LAMC1: variants seen among roughly 807,000 people sequenced by gnomAD.
LAMC1 encodes the protein laminin subunit gamma 1, also known as laminin subunit gamma-1.
Under a neutral mutation model 173.6 loss-of-function variants are expected in LAMC1, and 38 were observed. That is an observed-to-expected ratio of 0.22 (90% CI 0.17 to 0.29). LAMC1 has a LOEUF of 0.29. Among genes scored for constraint, LAMC1 ranks in the 10% least tolerant of loss-of-function variants. LAMC1 has a pLI of 1.00. For synonymous variants in LAMC1, 746 were observed against 749.1 expected (o/e 1.00, Z 0.07); for missense variants, 1,824 against 2,051.8 (o/e 0.89, Z 2.14).
At chr1:183,061,960 A>G (rs955352005) in intron 1 of LAMC1, among the ~76,000 whole-genome samples, 1 of 152,228 alleles carries the variant, frequency 6.6e-6, no homozygotes, top group Non-Finnish European at 1.5e-5. Flanking sequence ...AAGGAAGCCT[A>G]TGTCTTTTTC....
intron 15 of LAMC1, 84 bp downstream of exon 15, chr1:183,125,634 G>A: frequency 9.4e-7 from 1 of 1,062,656 alleles, no homozygotes; most frequent in East Asian, 2.6e-5. Context: ...TTTAATAATT[G>A]ACTGTTCAGA....
At position 183,122,123 on chromosome 1, in the gene LAMC1, A is replaced by G; in HGVS notation, c.2273A>G (p.Tyr758Cys). 6.2e-7 allele frequency: 1 copy of G among 1,614,212 alleles called. No individual in the cohort carries two copies. The highest frequency in any genetic ancestry group is 8.5e-7 in the Non-Finnish European group (1 of 1,180,020). ...GPHCEKCSDGYYGDSTAGTSS... is the reference protein window; with the variant it reads ...GPHCEKCSDGCYGDSTAGTSS... Reference sequence around the variant, plus strand: ...CACTGTGAGAAGTGCAGTGATGGGTACTATGGAGATTCAACTGCAGGCACC... The same window carrying G: ...CACTGTGAGAAGTGCAGTGATGGGTGCTATGGAGATTCAACTGCAGGCACC... Residue 758 changes from tyrosine to cysteine, a missense_variant, in exon 13 of 28, where the codon TAC becomes TGC. Physicochemically the swap from Tyr to Cys is radical, Grantham distance 194 (BLOSUM62 -2). Coordinates refer to ENST00000258341, the MANE Select transcript of LAMC1 (RefSeq NM_002293.4).
At chr1:183,110,738 C>G in intron 4 of LAMC1, 84 bp downstream of exon 4, 1 of 1,387,388 alleles carries the variant, frequency 7.2e-7, no homozygotes, top group Admixed American at 2.0e-5. Flanking sequence ...TCTTTTATTC[C>G]TCCTTGAAAG....
chr1:183,028,302 C>T (rs185814372), intron 1 of LAMC1, among the ~76,000 whole-genome samples: 14 of 152,140 alleles, frequency 9.2e-5, no homozygotes, highest in Middle Eastern at 3.4e-3. Context: ...ATGTTATTGC[C>T]GGATATTCTG....
Position 183,131,392 on chromosome 1 carries a change from C to T in LAMC1, c.3566+14C>T, listed in dbSNP as rs1367107480. 1 of 1,587,106 alleles carries T rather than the reference C, an allele frequency of 6.3e-7. No individual in the cohort carries two copies. Among genetic ancestry groups the T allele is most frequent in the Non-Finnish European group, 8.6e-7 (1 of 1,160,466 alleles). ...GCTTGCTGAACGGTAACTTCTAGAT[C>T]CCTGTTTAATGGTTAAGTTGTGGCT... is the stretch of plus-strand genomic sequence containing the variant. On this transcript the variant is annotated intron_variant, in intron 20 of 27. Coordinates refer to ENST00000258341, the MANE Select transcript of LAMC1 (RefSeq NM_002293.4).
At chr1:183,119,490 G>GT (rs1006935859) in intron 11 of LAMC1, among the ~76,000 whole-genome samples, 15 of 152,100 alleles carry the variant, frequency 9.9e-5, no homozygotes, top group African/African-American at 3.6e-4. Context: ...AAATATAGAT[G>GT]GAAAAGAAGG....
intron 18 of LAMC1, among the ~76,000 whole-genome samples, chr1:183,129,073 C>T (rs10737241): frequency 0.53 from 75,443 of 142,842 alleles, 20,450 homozygotes; most frequent in South Asian, 0.66. Context: ...AGGCATGCGT[C>T]TTCATAAGCT....
At chr1:183,027,376 A>G (rs967203560) in intron 1 of LAMC1, among the ~76,000 whole-genome samples, 6 of 152,136 alleles carry the variant, frequency 3.9e-5, no homozygotes, top group Non-Finnish European at 7.4e-5. Flanking sequence ...TTTATGTCTT[A>G]TAAGTTATAG....
intron 1 of LAMC1, among the ~76,000 whole-genome samples, chr1:183,070,315 G>T (rs777920678): frequency 6.6e-6 from 1 of 152,166 alleles, no homozygotes; most frequent in Non-Finnish European, 1.5e-5. Context: ...ATGATTTTAA[G>T]TAAAGGGACA....
At chr1:183,134,948 T>A (rs1656896310) in intron 23 of LAMC1, 94 bp from the exon 24 acceptor site, 1 of 1,345,280 alleles carries the variant, frequency 7.4e-7, no homozygotes, top group Admixed American at 1.8e-5. Context: ...TGCTGGCAAG[T>A]CTCAGGGTGG....
intron 1 of LAMC1, among the ~76,000 whole-genome samples, chr1:183,060,393 GAA>G (rs113876062): frequency 8.8e-5 from 9 of 102,632 alleles, no homozygotes; most frequent in African/African-American, 1.4e-4. Flanking sequence ...TCTCAAAAAA[GAA>G]AAAAAAAAAA....
intron 1 of LAMC1, among the ~76,000 whole-genome samples, chr1:183,070,055 C>T (rs1168616012): frequency 6.6e-6 from 1 of 152,182 alleles, no homozygotes; most frequent in Non-Finnish European, 1.5e-5. Flanking sequence ...AGTGAGTGGA[C>T]AGATGAATGA....
chr1:183,101,383 C>G (rs962024064), intron 1 of LAMC1, among the ~76,000 whole-genome samples: 1 of 151,336 alleles, frequency 6.6e-6, no homozygotes, highest in African/African-American at 2.4e-5. Flanking sequence ...AACTTGCATT[C>G]TTTTAACAGA....
chr1:183,094,408 G>T (rs748141249), intron 1 of LAMC1, among the ~76,000 whole-genome samples: 6 of 152,164 alleles, frequency 3.9e-5, no homozygotes, highest in Non-Finnish European at 8.8e-5. Context: ...CTGACACACA[G>T]AATTTTCATT....
intron 1 of LAMC1, among the ~76,000 whole-genome samples, chr1:183,080,372 G>C (rs1222466241): frequency 6.6e-6 from 1 of 152,184 alleles, no homozygotes; most frequent in Non-Finnish European, 1.5e-5. Flanking sequence ...GCTGATCACT[G>C]ATGAAATATA....
At position 183,127,119 on chromosome 1, in the gene LAMC1, A is replaced by G. The variant is rs1571458933; in HGVS notation, c.2945-107A>G. The G allele has an allele frequency of 4.3e-6, 4 of 936,296 alleles. No homozygotes were observed. The East Asian group carries it at 1.2e-4, about 28-fold the overall frequency. 58.0% of individuals were successfully genotyped at this position (936,296 alleles called of 1,614,324 possible). A position where few individuals can be genotyped will look rare whatever the true frequency, so the allele number is the denominator to read the frequency against. ...AATAGTCCTGTTTTTCAAAAAAATT[A>G]TGACAGTATAGTCAGCTTATAGTCA... On this transcript the variant is annotated intron_variant, in intron 16 of 27. Transcript: ENST00000258341.
At position 183,134,670 on chromosome 1, in the gene LAMC1, A is replaced by G. The variant is rs769512305; in HGVS notation, c.3860A>G (p.Asn1287Ser). 6 of 1,610,036 alleles carry G rather than the reference A, an allele frequency of 3.7e-6. No individual in the cohort carries two copies. The highest frequency in any genetic ancestry group is 1.7e-4 in the Middle Eastern group (1 of 6,056). The change falls in exon 23 of 28, where the codon AAT becomes AGT. Residue 1287 changes from asparagine (N) to serine (S), a missense_variant. Transcript: ENST00000258341. ...ACTTGCTTTTCACAGAATGAAGCAA[A>G]TAACATAAAGATGGAAGCTGAGAAT... ...LDSETLENEA[N>S]NIKMEAENLE...
intron 27 of LAMC1, 177 bp downstream of exon 27, chr1:183,140,680 A>G: frequency 2.5e-6 from 1 of 398,692 alleles, no homozygotes; most frequent in Non-Finnish European, 4.4e-6. Context: ...AAAGCCTTAT[A>G]AAATAAATGT....
chr1:183,115,110 C>T (rs890929986), intron 5 of LAMC1, among the ~76,000 whole-genome samples: 2 of 152,140 alleles, frequency 1.3e-5, no homozygotes, highest in African/African-American at 2.4e-5. Flanking sequence ...TACAGAGATG[C>T]ACAGCATTCT....
Sources: gnomAD v4.1 joint callset for allele counts (sites outside exome capture counted in the v4.1 genomes callset) on GRCh38, gnomAD v4.1.1 for gene constraint, MANE v1.5 for transcripts, NCBI Gene and HGNC (gene_info 2026-07-23, HGNC 2026-07-21) for gene names.